Variants in THRAP3 observed in about 807,000 individuals in gnomAD.
The protein encoded by THRAP3 is thyroid hormone receptor associated protein 3, also known as thyroid hormone receptor-associated protein 3.
A neutral mutation model predicts 101.0 loss-of-function variants in THRAP3; 16 were observed. The observed-to-expected ratio is 0.16, with a 90% CI of 0.11 to 0.24. THRAP3 has a LOEUF of 0.24. THRAP3 is among the 10% of genes least tolerant of loss of function. The pLI, the probability that THRAP3 is intolerant of heterozygous loss-of-function variation, is 1.00. For missense variants in THRAP3, 989 were observed against 1,202.7 expected (o/e 0.82, Z 2.63); for synonymous variants, 407 against 422.6 (o/e 0.96, Z 0.45).
intron 4 of THRAP3, 125 bp downstream of exon 4, chr1:36,287,395 C>T (rs922694081): frequency 1.1e-5 from 15 of 1,381,900 alleles, no homozygotes; most frequent in East Asian, 5.3e-5. Flanking sequence ...CTAGACTTTT[C>T]GTTAGTAAAC....
rs72663416 is a variant in THRAP3, at chr1:36,264,454, A to G, written c.-32+4970A>G. The stretch of plus-strand genomic sequence containing the variant: ...AGATTGAACCCAGTTCGTTTTTGCT[A>G]CCAAAGCCTCTACTTACTGCCGAAC... On this transcript the variant is annotated intron_variant, in intron 2 of 11. Transcript: ENST00000354618. 8.3e-3 allele frequency among the ~76,000 whole-genome samples: 1,270 copies of G among 152,340 alleles called. 9 individuals are homozygous for G. The highest frequency in any genetic ancestry group is 0.014 in the Non-Finnish European group (928 of 68,026).
At chr1:36,268,865 A>G (rs1028704875) in intron 2 of THRAP3, among the ~76,000 whole-genome samples, 11 of 151,988 alleles carry the variant, frequency 7.2e-5, no homozygotes, top group Non-Finnish European at 1.2e-4. Flanking sequence ...AGCTGTGACT[A>G]CAGGCGCCCG....
Position 36,235,524 on chromosome 1 carries a change from C to T in THRAP3, c.-135+11019C>T, listed in dbSNP as rs550638838. 2.0e-5 allele frequency among the ~76,000 whole-genome samples: 3 copies of T among 152,048 alleles called. No homozygotes were observed. In the South Asian group the frequency reaches 6.2e-4, roughly 32 times the overall value. On this transcript the variant is annotated intron_variant, in intron 1 of 11. Coordinates refer to ENST00000354618, the MANE Select transcript of THRAP3 (RefSeq NM_005119.4). ...TTGAAAATTAGATTATTAATACTGA[C>T]AAGTCTCATATGAAAACCAGAGAGA... is the stretch of plus-strand genomic sequence containing the variant.
At chr1:36,238,023 A>G (rs182957641) in intron 1 of THRAP3, among the ~76,000 whole-genome samples, 14 of 151,712 alleles carry the variant, frequency 9.2e-5, no homozygotes, top group African/African-American at 3.1e-4. Context: ...TTTAATAGAG[A>G]CGGGTTTCAC....
chr1:36,224,163 A>T (rs993655450), upstream of THRAP3, among the ~76,000 whole-genome samples: 8 of 152,204 alleles, frequency 5.3e-5, no homozygotes, highest in Non-Finnish European at 1.0e-4. Context: ...CAGTGGCGTC[A>T]GCAACGCCCC....
intron 2 of THRAP3, among the ~76,000 whole-genome samples, chr1:36,274,911 G>A (rs1289715767): frequency 6.0e-5 from 9 of 150,948 alleles, no homozygotes; most frequent in South Asian, 2.1e-4. Context: ...GATTACAGGC[G>A]TGAGCCACTG....
At chr1:36,302,167 C>T (rs1484824374) in intron 11 of THRAP3, among the ~76,000 whole-genome samples, 1 of 152,194 alleles carries the variant, frequency 6.6e-6, no homozygotes, top group Non-Finnish European at 1.5e-5. Context: ...GTTGATCATT[C>T]CTGTGCACTC....
chr1:36,281,405 A>G (rs925732309), intron 2 of THRAP3, among the ~76,000 whole-genome samples: 25 of 152,218 alleles, frequency 1.6e-4, no homozygotes, highest in African/African-American at 5.5e-4. Context: ...GACTGCATGC[A>G]CCAAAATTAA....
chr1:36,250,252 C>T (rs1553193700), intron 1 of THRAP3, among the ~76,000 whole-genome samples: 4 of 147,626 alleles, frequency 2.7e-5, no homozygotes, highest in African/African-American at 7.5e-5. Context: ...TTTGCTCTGT[C>T]GCCCAGGCTG....
In THRAP3 at chr1:36,303,915, G is replaced by A. The variant is rs775184166; in HGVS notation, c.2766G>A (p.Trp922Ter). ...GGAAATCAAGTACCAGCCCCAAGTGGGCCCATGACAAGTTCAGTGGGGAGG... is the reference window on the plus strand; with the variant it reads ...GGAAATCAAGTACCAGCCCCAAGTGAGCCCATGACAAGTTCAGTGGGGAGG... ...MFRKSSTSPK[W>*]AHDKFSGEEG... is the part of the protein sequence containing the mutation. Residue 922 changes from tryptophan to a stop codon, truncating the protein, a stop_gained, in exon 12 of 12, where the codon TGG becomes TGA. Transcript: ENST00000354618. LOFTEE classifies it high-confidence loss of function. The A allele has an allele frequency of 6.2e-7, 1 of 1,613,632 alleles. No homozygotes were observed. The highest frequency in any genetic ancestry group is 1.7e-5 in the Admixed American group (1 of 59,890).
intron 2 of THRAP3, among the ~76,000 whole-genome samples, chr1:36,272,674 GTC>G (rs1645606385): frequency 6.6e-6 from 1 of 152,170 alleles, no homozygotes; most frequent in Non-Finnish European, 1.5e-5. Flanking sequence ...ATTTTTGTCT[GTC>G]TTATCTCTAT....
the THRAP3 span, among the ~76,000 whole-genome samples, chr1:36,217,928 TCTAA>T: frequency 5.3e-5 from 8 of 152,296 alleles, no homozygotes; most frequent in South Asian, 8.3e-4. Flanking sequence ...TACAATGGCC[TCTAA>T]CTGTTCATGT....
chr1:36,244,144 A>G (rs754145239), intron 1 of THRAP3, among the ~76,000 whole-genome samples: 29 of 152,242 alleles, frequency 1.9e-4, no homozygotes, highest in Non-Finnish European at 2.6e-4. Context: ...GAGGGTTGCC[A>G]TTTGTTAATG....
chr1:36,238,007 C>CT (rs1230941161), intron 1 of THRAP3, among the ~76,000 whole-genome samples: 4 of 151,538 alleles, frequency 2.6e-5, no homozygotes, highest in Non-Finnish European at 5.9e-5. Flanking sequence ...ATTTTTTTTT[C>CT]TTTTTTTTAA....
intron 2 of THRAP3, among the ~76,000 whole-genome samples, chr1:36,274,101 CACACACAG>C: frequency 8.1e-6 from 1 of 123,800 alleles, no homozygotes; most frequent in South Asian, 2.6e-4. Context: ...CACACACACA[CACACACAG>C]ACAAAATGAG....
chr1:36,275,908 A>G (rs1462232548), intron 2 of THRAP3, among the ~76,000 whole-genome samples: 1 of 152,088 alleles, frequency 6.6e-6, no homozygotes, highest in Non-Finnish European at 1.5e-5. Flanking sequence ...AGTCTCTGCT[A>G]CTCAGGAGAC....
At chr1:36,296,371 GT>G (rs1186456568) in intron 8 of THRAP3, among the ~76,000 whole-genome samples, 1 of 152,176 alleles carries the variant, frequency 6.6e-6, no homozygotes. Context: ...CAGCATCATT[GT>G]TTTGGAGGAC....
upstream of THRAP3, among the ~76,000 whole-genome samples, chr1:36,220,502 C>T (rs895990786): frequency 1.3e-5 from 2 of 151,954 alleles, no homozygotes; most frequent in East Asian, 1.9e-4. Flanking sequence ...AAATGGTTTA[C>T]GATACAATCA....
chr1:36,258,195 C>T (rs759016029), intron 1 of THRAP3, among the ~76,000 whole-genome samples: 1 of 152,204 alleles, frequency 6.6e-6, no homozygotes, highest in Non-Finnish European at 1.5e-5. Context: ...GTTTGCAGTC[C>T]TGTAGCAGAC....
Sources: allele counts gnomAD v4.1 joint callset (sites outside exome capture counted in the v4.1 genomes callset), GRCh38; gene constraint gnomAD v4.1.1; transcripts MANE v1.5; gene names NCBI Gene and HGNC (gene_info 2026-07-23, HGNC 2026-07-21).